Variants in CNTN5 observed in about 807,000 individuals in gnomAD.
CNTN5 encodes contactin-5.
Under a neutral mutation model 129.1 loss-of-function variants are expected in CNTN5, and 77 were observed. The observed-to-expected ratio is 0.60, with a 90% CI of 0.50 to 0.72. The LOEUF is 0.72. CNTN5 is among the 30% of genes least tolerant of loss of function. The pLI is 0.00. For synonymous variants in CNTN5, 509 were observed against 465.6 expected (o/e 1.09, Z -1.20); for missense variants, 1,478 against 1,328.8 (o/e 1.11, Z -1.75).
At chr11:100,206,082 T>G (rs191133967) in intron 15 of CNTN5, among the ~76,000 whole-genome samples, 1 of 147,338 alleles carries the variant, frequency 6.8e-6, no homozygotes, top group African/African-American at 2.4e-5. Context: ...TATAGAGATA[T>G]GGCAATTGTA....
At chr11:99,870,675 A>G (rs899060197) in intron 6 of CNTN5, among the ~76,000 whole-genome samples, 2 of 152,130 alleles carry the variant, frequency 1.3e-5, no homozygotes, top group Non-Finnish European at 2.9e-5. Flanking sequence ...TGTTTTCCCT[A>G]GCTTTTCTTT....
At chr11:99,871,126 A>G (rs920383948) in intron 6 of CNTN5, among the ~76,000 whole-genome samples, 1 of 152,092 alleles carries the variant, frequency 6.6e-6, no homozygotes, top group African/African-American at 2.4e-5. Flanking sequence ...GTTACATGTT[A>G]TTACTATTGT....
intron 3 of CNTN5, among the ~76,000 whole-genome samples, chr11:99,816,927 C>T (rs960629314): frequency 6.6e-6 from 1 of 152,168 alleles, no homozygotes; most frequent in African/African-American, 2.4e-5. Flanking sequence ...TCTTTCCCTA[C>T]TGAAGACTTG....
At chr11:99,030,668 A>G (rs1399312023) in intron 1 of CNTN5, among the ~76,000 whole-genome samples, 1 of 152,120 alleles carries the variant, frequency 6.6e-6, no homozygotes, top group Non-Finnish European at 1.5e-5. Context: ...TGAAATTAAT[A>G]ATGTTCCCCA....
intron 6 of CNTN5, among the ~76,000 whole-genome samples, chr11:99,904,765 A>C (rs755092456): frequency 6.6e-6 from 1 of 152,186 alleles, no homozygotes; most frequent in African/African-American, 2.4e-5. Flanking sequence ...CCAACAGTGT[A>C]AAAGCATTCC....
intron 1 of CNTN5, among the ~76,000 whole-genome samples, chr11:99,081,050 T>G (rs1036203223): frequency 6.8e-6 from 1 of 147,662 alleles, no homozygotes. Context: ...TATGGTAAAA[T>G]GGAAATTTTT....
chr11:100,326,378 G>A (rs1021371345), intron 21 of CNTN5, among the ~76,000 whole-genome samples: 3 of 152,128 alleles, frequency 2.0e-5, no homozygotes, highest in Non-Finnish European at 2.9e-5. Context: ...TTAAGATAGA[G>A]AAATTCCAAT....
chr11:99,551,322 G>A (rs1264173498), intron 2 of CNTN5, among the ~76,000 whole-genome samples: 24 of 152,008 alleles, frequency 1.6e-4, no homozygotes, highest in Non-Finnish European at 1.5e-5. Flanking sequence ...GTTTTTAAAG[G>A]GTTTTTTATT....
chr11:99,188,459 C>T (rs1187274964), intron 1 of CNTN5, among the ~76,000 whole-genome samples: 1 of 151,712 alleles, frequency 6.6e-6, no homozygotes, highest in East Asian at 1.9e-4. Context: ...TTTTGCCAAT[C>T]TGATAGGTGA....
intron 21 of CNTN5, among the ~76,000 whole-genome samples, chr11:100,336,529 T>G (rs191897394): frequency 1.7e-4 from 26 of 152,346 alleles, no homozygotes; most frequent in Admixed American, 1.7e-3. Flanking sequence ...ATGAAGATAT[T>G]AAAATGATAA....
chr11:99,649,245 A>G (rs1952073080), intron 3 of CNTN5, among the ~76,000 whole-genome samples: 1 of 151,754 alleles, frequency 6.6e-6, no homozygotes. Flanking sequence ...GTTTATATAG[A>G]AGTATCTCCC....
chr11:99,968,949 C>G (rs1951174550), intron 8 of CNTN5, among the ~76,000 whole-genome samples: 1 of 151,746 alleles, frequency 6.6e-6, no homozygotes, highest in Non-Finnish European at 1.5e-5. Context: ...TTCTATGTGT[C>G]TCTCTGGAAA....
chr11:100,174,370 C>T (rs1441667875), intron 13 of CNTN5, among the ~76,000 whole-genome samples: 1 of 152,074 alleles, frequency 6.6e-6, no homozygotes, highest in African/African-American at 2.4e-5. Context: ...GCATAGTAAT[C>T]GCACCTATAA....
chr11:99,788,129 T>G (rs1945603355), intron 3 of CNTN5, among the ~76,000 whole-genome samples: 2 of 151,986 alleles, frequency 1.3e-5, no homozygotes, highest in Admixed American at 1.3e-4. Flanking sequence ...TCTTCCAGTT[T>G]GTACACTTTT....
rs893776412 is a variant in CNTN5, at chr11:99,308,221, T to A, written c.-209-17125T>A. ...TCTTTTTATGATACATTTCCTTTATTCTTCCATCAGTTCAAGAAATATTTA... is the reference window on the plus strand; with the variant it reads ...TCTTTTTATGATACATTTCCTTTATACTTCCATCAGTTCAAGAAATATTTA... On this transcript the variant is annotated intron_variant, in intron 1 of 24. Coordinates refer to ENST00000524871, the MANE Select transcript of CNTN5 (RefSeq NM_014361.4). Among the ~76,000 whole-genome samples, 7 of 152,334 alleles carry A rather than the reference T, an allele frequency of 4.6e-5. No individual in the cohort carries two copies. The South Asian group carries it at 1.2e-3, about 27-fold the overall frequency.
intron 3 of CNTN5, among the ~76,000 whole-genome samples, chr11:99,758,112 G>A (rs777230209): frequency 8.6e-5 from 13 of 152,000 alleles, no homozygotes; most frequent in African/African-American, 1.9e-4. Flanking sequence ...CTTTAGCTTT[G>A]CTAGCAGTAT....
intron 8 of CNTN5, among the ~76,000 whole-genome samples, chr11:99,982,643 A>C (rs931043359): frequency 5.3e-5 from 8 of 151,960 alleles, no homozygotes; most frequent in Non-Finnish European, 8.8e-5. Context: ...TTTTTTATGT[A>C]TTTGTGTATT....
At chr11:99,160,554 A>G (rs1465307077) in intron 1 of CNTN5, among the ~76,000 whole-genome samples, 1 of 152,150 alleles carries the variant, frequency 6.6e-6, no homozygotes, top group East Asian at 1.9e-4. Flanking sequence ...TTTTTGCTGT[A>G]CCGAACTACT....
At chr11:99,374,528 A>G in intron 2 of CNTN5, among the ~76,000 whole-genome samples, 1 of 151,934 alleles carries the variant, frequency 6.6e-6, no homozygotes, top group Non-Finnish European at 1.5e-5. Context: ...CAAAAATACA[A>G]AAAAAATTAG....
Sources: allele counts gnomAD v4.1 joint callset (sites outside exome capture counted in the v4.1 genomes callset), GRCh38; gene constraint gnomAD v4.1.1; transcripts MANE v1.5; gene names NCBI Gene and HGNC (gene_info 2026-07-23, HGNC 2026-07-21).